THSD7B: variants seen among roughly 807,000 people sequenced by gnomAD.
THSD7B encodes the protein thrombospondin type-1 domain-containing protein 7B.
A neutral mutation model predicts 213.6 loss-of-function variants in THSD7B; 138 were observed. That is an observed-to-expected ratio of 0.65 (90% confidence interval 0.56 to 0.74). The LOEUF (loss-of-function observed/expected upper bound fraction) is 0.74, where lower values mean the gene tolerates loss of function less well. Among genes scored for constraint, THSD7B ranks in the 30% least tolerant of loss-of-function variants. The pLI is 0.00. For synonymous variants in THSD7B, 742 were observed against 687.0 expected, an observed-to-expected ratio of 1.08 and a Z score of -1.25; for missense variants, 1,931 against 1,991.5, an observed-to-expected ratio of 0.97 and a Z score of 0.58.
At chr2:137,188,540 T>A (rs941915936) in intron 7 of THSD7B, among the ~76,000 whole-genome samples, 3 of 152,240 alleles carry the variant, frequency 2.0e-5, no homozygotes, top group Non-Finnish European at 4.4e-5. Context: ...AAACTCATGA[T>A]ACACATTACC....
chr2:137,189,003 T>G (rs571969071), intron 7 of THSD7B, among the ~76,000 whole-genome samples: 1 of 152,320 alleles, frequency 6.6e-6, no homozygotes, highest in East Asian at 1.9e-4. Context: ...CATTTCAACT[T>G]CAGAAATGTC....
chr2:136,989,070 A>G (rs1399314491), intron 2 of THSD7B, among the ~76,000 whole-genome samples: 1 of 152,198 alleles, frequency 6.6e-6, no homozygotes, highest in Non-Finnish European at 1.5e-5. Context: ...GGTGGTCAGG[A>G]GAAAATCTCT....
intron 1 of THSD7B, among the ~76,000 whole-genome samples, chr2:136,880,569 T>C (rs1480707151): frequency 6.6e-6 from 1 of 152,170 alleles, no homozygotes; most frequent in Admixed American, 6.6e-5. Flanking sequence ...TGTTCTCAAA[T>C]GTGCCCCTCT....
chr2:137,230,986 A>T, intron 7 of THSD7B, 58 bp from the exon 8 acceptor site: 1 of 1,517,694 alleles, frequency 6.6e-7, no homozygotes. Context: ...GTAATAGATA[A>T]AGCAGTGAGG....
At chr2:136,990,419 C>G (rs1222602355) in intron 2 of THSD7B, among the ~76,000 whole-genome samples, 2 of 152,062 alleles carry the variant, frequency 1.3e-5, no homozygotes, top group African/African-American at 4.8e-5. Context: ...GGCCGAGAGT[C>G]AGGAAATTGA....
chr2:137,657,387 T>TA (rs1247187777), intron 24 of THSD7B, among the ~76,000 whole-genome samples: 1 of 152,128 alleles, frequency 6.6e-6, no homozygotes, highest in Non-Finnish European at 1.5e-5. Flanking sequence ...TGAAATGCAA[T>TA]AAAATGTCCT....
At chr2:137,057,794 T>G (rs1687199436) in intron 3 of THSD7B, among the ~76,000 whole-genome samples, 1 of 152,212 alleles carries the variant, frequency 6.6e-6, no homozygotes. Flanking sequence ...ATACAGGTAT[T>G]AACTTGCGCA....
intron 15 of THSD7B, among the ~76,000 whole-genome samples, chr2:137,560,404 C>G (rs1342650586): frequency 6.6e-6 from 1 of 152,106 alleles, no homozygotes; most frequent in Non-Finnish European, 1.5e-5. Flanking sequence ...GAGTTCATGT[C>G]CTTTGTAGGG....
chr2:137,485,316 A>C (rs1573653843), intron 15 of THSD7B, among the ~76,000 whole-genome samples: 1 of 150,302 alleles, frequency 6.7e-6, no homozygotes, highest in African/African-American at 2.5e-5. Flanking sequence ...AGGTTTGTCA[A>C]AGATCAGATA....
At chr2:137,487,395 A>AAAAAAAGAAC (rs1287076835) in intron 15 of THSD7B, among the ~76,000 whole-genome samples, 1 of 141,108 alleles carries the variant, frequency 7.1e-6, no homozygotes, top group East Asian at 2.0e-4. Flanking sequence ...AAAAAAAAAA[A>AAAAAAAGAAC]AAAAGAACTA....
intron 12 of THSD7B, among the ~76,000 whole-genome samples, chr2:137,318,251 C>T (rs1684173879): frequency 6.6e-6 from 1 of 152,172 alleles, no homozygotes; most frequent in Admixed American, 6.5e-5. Context: ...TATGTTCTGG[C>T]TTTATTCTCT....
intron 9 of THSD7B, among the ~76,000 whole-genome samples, chr2:137,235,952 C>A (rs1681754277): frequency 6.6e-6 from 1 of 152,154 alleles, no homozygotes; most frequent in South Asian, 2.1e-4. Flanking sequence ...GAGCAGCCTG[C>A]ATTGACTTTA....
intron 17 of THSD7B, among the ~76,000 whole-genome samples, chr2:137,587,094 A>C (rs995566832): frequency 6.6e-6 from 1 of 152,052 alleles, no homozygotes; most frequent in Admixed American, 6.5e-5. Flanking sequence ...TTTGATCTTC[A>C]ATCACTGATA....
chr2:136,939,354 T>C (rs1429988), intron 2 of THSD7B, among the ~76,000 whole-genome samples: 11,272 of 152,276 alleles, frequency 0.074, 678 homozygotes, highest in African/African-American at 0.16. Flanking sequence ...ATGGGAGATA[T>C]TGGATTAACC....
At chr2:137,318,743 C>T (rs1378235396) in intron 12 of THSD7B, among the ~76,000 whole-genome samples, 1 of 146,350 alleles carries the variant, frequency 6.8e-6, no homozygotes, top group Non-Finnish European at 1.5e-5. Context: ...TTTTAAAACC[C>T]TTTGTCCTTC....
At chr2:137,011,485 C>T (rs111586021) in intron 2 of THSD7B, among the ~76,000 whole-genome samples, 6 of 152,278 alleles carry the variant, frequency 3.9e-5, no homozygotes, top group East Asian at 3.9e-4. Context: ...CTCTGACCTG[C>T]ACCTACTAGA....
At chr2:137,226,675 C>T (rs184410621) in intron 7 of THSD7B, among the ~76,000 whole-genome samples, 1 of 151,760 alleles carries the variant, frequency 6.6e-6, no homozygotes, top group East Asian at 1.9e-4. Flanking sequence ...TATGCCACAG[C>T]CCCTAGAATC....
chr2:136,813,962 G>C (rs1573650524), intron 1 of THSD7B, among the ~76,000 whole-genome samples: 1 of 152,080 alleles, frequency 6.6e-6, no homozygotes, highest in African/African-American at 2.4e-5. Flanking sequence ...TTGTTCTTTT[G>C]GCTTCCTGGT....
intron 5 of THSD7B, among the ~76,000 whole-genome samples, chr2:137,120,680 A>T (rs183920818): frequency 6.6e-6 from 1 of 152,250 alleles, no homozygotes. Context: ...TCCCCAGGTT[A>T]TTGATGCAGG....
Sources: allele counts gnomAD v4.1 joint callset (sites outside exome capture counted in the v4.1 genomes callset), GRCh38; gene constraint gnomAD v4.1.1; transcripts MANE v1.5; gene names NCBI Gene and HGNC (gene_info 2026-07-23, HGNC 2026-07-21).